Variants in DLG5 observed in about 807,000 individuals in gnomAD.
The protein encoded by DLG5 is disks large homolog 5.
A neutral mutation model predicts 189.8 loss-of-function variants in DLG5; 48 were observed. The ratio of observed to expected loss-of-function variants is 0.25; its 90% CI spans 0.20 to 0.32. DLG5 has a LOEUF of 0.32. Among genes scored for constraint, DLG5 ranks in the 10% least tolerant of loss-of-function variants. DLG5 has a pLI of 1.00. For synonymous variants in DLG5, 1,016 were observed against 1,054.1 expected (o/e 0.96, Z 0.70); for missense variants, 2,160 against 2,544.7 (o/e 0.85, Z 3.25).
chr10:77,808,498 T>C (rs1299473834), intron 24 of DLG5, among the ~76,000 whole-genome samples: 1 of 152,220 alleles, frequency 6.6e-6, no homozygotes, highest in Non-Finnish European at 1.5e-5. Flanking sequence ...TCTTGAACTC[T>C]TGGGCTCAAC....
In DLG5 at chr10:77,821,976, T is replaced by C. The variant is rs1842389286; in HGVS notation, c.2508A>G (p.Ile836Met). The C allele has an allele frequency of 1.2e-6, 2 of 1,614,128 alleles. No homozygotes were observed. Among genetic ancestry groups the C allele is most frequent in the African/African-American group, 1.3e-5 (1 of 74,938 alleles). Residue 836 changes from isoleucine to methionine, a missense_variant, in exon 15 of 32, where the codon ATA becomes ATG. By Grantham distance (10) the Ile-to-Met change is conservative. This residue lies in a region of DLG5 where 754 missense variants were observed against 746.5 expected (regional missense o/e 1.01). Transcript: ENST00000372391. ...EVQAHNKRNL[I>M]QHNNSTQTDI... is the part of the protein sequence containing the mutation. ...CTGTCTGCGTGGAGTTATTGTGCTG[T>C]ATCAAGTTCCGTTTGTTATGAGCCT...
chr10:77,880,459 A>G (rs1409837134), intron 1 of DLG5, among the ~76,000 whole-genome samples: 1 of 152,206 alleles, frequency 6.6e-6, no homozygotes, highest in Non-Finnish European at 1.5e-5. Context: ...ATCTCAAAAA[A>G]TAAATAAAAA....
At chr10:77,873,372 C>T (rs1418624921) in intron 1 of DLG5, among the ~76,000 whole-genome samples, 1 of 152,092 alleles carries the variant, frequency 6.6e-6, no homozygotes, top group Non-Finnish European at 1.5e-5. Flanking sequence ...ATGGAAGCTG[C>T]AGCCAAAACC....
chr10:77,860,735 A>G (rs1301339060), intron 2 of DLG5, among the ~76,000 whole-genome samples: 2 of 152,252 alleles, frequency 1.3e-5, no homozygotes, highest in Non-Finnish European at 2.9e-5. Context: ...TCCAGGTCAC[A>G]GAGCTATGGA....
chr10:77,842,119 A>T lies in DLG5; in HGVS notation c.1199T>A (p.Leu400Gln). 1 of 1,612,606 alleles carries T rather than the reference A, an allele frequency of 6.2e-7. No individual in the cohort carries two copies. The highest frequency in any genetic ancestry group is 8.5e-7 in the Non-Finnish European group (1 of 1,180,024). Residue 400 changes from leucine (L) to glutamine (Q), a missense_variant, in exon 7 of 32, where the codon CTG becomes CAG. Coordinates refer to ENST00000372391, the MANE Select transcript of DLG5 (RefSeq NM_004747.4). ...TCTCAGCTCGGTCAGCTCTGACTGC[A>T]GCAGCTCCATCTCCCACTGCAGGTC... ...NKDLQWEMEL[L>Q]QSELTELRTT... is the part of the protein sequence containing the mutation.
At chr10:77,801,118 G>A (rs1194460553) in intron 27 of DLG5, among the ~76,000 whole-genome samples, 1 of 152,150 alleles carries the variant, frequency 6.6e-6, no homozygotes, top group Non-Finnish European at 1.5e-5. Flanking sequence ...ATATCATGGG[G>A]CAGGACCAAG....
chr10:77,810,900 GA>G (rs1343712489), intron 23 of DLG5, among the ~76,000 whole-genome samples, 193 bp downstream of exon 23: 1 of 152,176 alleles, frequency 6.6e-6, no homozygotes, highest in Non-Finnish European at 1.5e-5. Flanking sequence ...GAAAACAGGA[GA>G]AAAAGAGAAA....
chr10:77,866,089 C>A (rs996645122), intron 2 of DLG5, among the ~76,000 whole-genome samples: 7 of 152,214 alleles, frequency 4.6e-5, no homozygotes, highest in Non-Finnish European at 7.3e-5. Context: ...AGCGGCCCCT[C>A]CTGCCAGGGC....
intron 1 of DLG5, among the ~76,000 whole-genome samples, chr10:77,914,228 T>C (rs1846300889): frequency 6.6e-6 from 1 of 152,200 alleles, no homozygotes; most frequent in Non-Finnish European, 1.5e-5. Flanking sequence ...AGCATGGGCC[T>C]CCTCGTCCAC....
At chr10:77,891,997 C>T (rs1441672695) in intron 1 of DLG5, among the ~76,000 whole-genome samples, 2 of 152,198 alleles carry the variant, frequency 1.3e-5, no homozygotes, top group Admixed American at 6.5e-5. Context: ...GAGACACAGG[C>T]CCCCAGGGAT....
rs1846694334 is a variant in DLG5, at chr10:77,926,395, C to G, written c.126G>C (p.Arg42=). 2 of 1,589,314 alleles carry G rather than the reference C, an allele frequency of 1.3e-6. No individual in the cohort carries two copies. Among genetic ancestry groups the G allele is most frequent in the South Asian group, 2.3e-5 (2 of 86,262 alleles). ...CGCCTCCCGCCTCCTCGTCCAGCTGCCGCCGCTCGCCGGGACTGAGCGCTC... is the reference window on the plus strand; with the variant it reads ...CGCCTCCCGCCTCCTCGTCCAGCTGGCGCCGCTCGCCGGGACTGAGCGCTC... ...AAGALSPGER[R]QLDEEAGGAK... is the part of the protein sequence containing the mutation. Residue 42 remains arginine (R), a synonymous_variant, in exon 1 of 32, where the codon CGG becomes CGC. Transcript: ENST00000372391. The surrounding 1 kb of genome is among the most constrained non-coding windows in gnomAD (Gnocchi z 5.2).
chr10:77,934,874 T>C, the DLG5 span, among the ~76,000 whole-genome samples: 1 of 150,450 alleles, frequency 6.6e-6, no homozygotes, highest in Admixed American at 6.6e-5. Context: ...TTTTTTTTTT[T>C]TGAGACAGAG....
chr10:77,937,807 C>T, the DLG5 span, among the ~76,000 whole-genome samples: 1 of 150,126 alleles, frequency 6.7e-6, no homozygotes, highest in Non-Finnish European at 1.5e-5. Flanking sequence ...CAACCTCCAC[C>T]TCCTGGGTCA....
At chr10:77,850,234 A>C (rs1191794101) in intron 5 of DLG5, among the ~76,000 whole-genome samples, 1 of 152,208 alleles carries the variant, frequency 6.6e-6, no homozygotes, top group Non-Finnish European at 1.5e-5. Context: ...CAAGACAGCC[A>C]CAAATCTGCT....
At chr10:77,814,267 C>T (rs1012130371) in intron 20 of DLG5, among the ~76,000 whole-genome samples, 1 of 151,914 alleles carries the variant, frequency 6.6e-6, no homozygotes, top group African/African-American at 2.4e-5. Flanking sequence ...CATAGGCTAC[C>T]GCGCCCAGCC....
chr10:77,858,276 T>C (rs1844329144), intron 2 of DLG5, among the ~76,000 whole-genome samples: 1 of 151,750 alleles, frequency 6.6e-6, no homozygotes, highest in African/African-American at 2.4e-5. Context: ...CATAAGATTA[T>C]AATAGAGTTA....
the DLG5 span, among the ~76,000 whole-genome samples, chr10:77,936,992 G>C: frequency 6.6e-6 from 1 of 152,050 alleles, no homozygotes; most frequent in Non-Finnish European, 1.5e-5. Flanking sequence ...GTGAACCCCA[G>C]TGAGCCAAGC....
chr10:77,843,667 G>A lies in DLG5; in HGVS notation c.904C>T (p.Leu302=), dbSNP rs376210101. The change falls in exon 6 of 32, where the codon CTG becomes TTG. Residue 302 remains leucine (L), a synonymous_variant. Transcript: ENST00000372391. ...HNGSSEILNK[L]YDTAMDKLEV... ...AACTTGTCCATGGCCGTGTCATACAGTTTGTTGAGAATCTCGGATGACCCG... is the reference window on the plus strand; with the variant it reads ...AACTTGTCCATGGCCGTGTCATACAATTTGTTGAGAATCTCGGATGACCCG... 1 of 1,614,062 alleles carries A rather than the reference G, an allele frequency of 6.2e-7. No individual in the cohort carries two copies. The highest frequency in any genetic ancestry group is 1.3e-5 in the African/African-American group (1 of 74,996).
intron 13 of DLG5, 38 bp downstream of exon 13, chr10:77,828,844 G>A (rs752653630): frequency 1.3e-5 from 21 of 1,593,362 alleles, no homozygotes; most frequent in Middle Eastern, 3.3e-4. Context: ...ATCTGCCTAT[G>A]CACGGCAGAT....
Sources: gnomAD v4.1 joint callset for allele counts (sites outside exome capture counted in the v4.1 genomes callset) on GRCh38, gnomAD v4.1.1 for gene constraint, gnomAD v4.1.1 regional missense constraint, Gnocchi (gnomAD v3.1) non-coding constraint, MANE v1.5 for transcripts, NCBI Gene and HGNC (gene_info 2026-07-23, HGNC 2026-07-21) for gene names.